Variants in P3H2 observed in about 807,000 individuals in gnomAD.
P3H2 encodes the protein leprecan-like 1.
P3H2 carries 80 observed loss-of-function variants against 87.0 expected under a neutral mutation model. The observed-to-expected ratio is 0.92, with a 90% CI of 0.77 to 1.11. The LOEUF (loss-of-function observed/expected upper bound fraction) is 1.11, where lower values mean the gene tolerates loss of function less well. P3H2 is among the 50% of genes least tolerant of loss of function. The pLI is 0.00. For synonymous variants in P3H2, 367 were observed against 359.3 expected (o/e 1.02, Z -0.24); for missense variants, 1,001 against 923.9 (o/e 1.08, Z -1.08).
At chr3:190,072,848 A>G (rs1390829443) in intron 1 of P3H2, among the ~76,000 whole-genome samples, 1 of 152,198 alleles carries the variant, frequency 6.6e-6, no homozygotes, top group Non-Finnish European at 1.5e-5. Context: ...TTAGTTCTGG[A>G]TGATGATGTT....
chr3:190,017,559 G>GAAATTCTTCTCTGGATTTCTCTTCAGCAC (rs1724806005), intron 1 of P3H2, among the ~76,000 whole-genome samples: 1 of 152,190 alleles, frequency 6.6e-6, no homozygotes, highest in Non-Finnish European at 1.5e-5. Context: ...GATTTTAGCA[G>GAAATTCTTCTCTGGATTTCTCTTCAGCAC]AAATTCTTCT....
intron 1 of P3H2, among the ~76,000 whole-genome samples, chr3:190,075,162 T>C (rs1353445086): frequency 6.6e-6 from 1 of 152,162 alleles, no homozygotes; most frequent in Non-Finnish European, 1.5e-5. Flanking sequence ...GGCTAGGATA[T>C]GAAACTAATA....
chr3:190,082,117 T>G (rs6791043), intron 1 of P3H2, among the ~76,000 whole-genome samples: 35,666 of 151,780 alleles, frequency 0.23, 4,428 homozygotes, highest in African/African-American at 0.32. Context: ...TTAGCTGGGC[T>G]TGGTGGTGAG....
At chr3:190,092,844 G>A (rs1333945384) in intron 1 of P3H2, among the ~76,000 whole-genome samples, 1 of 152,160 alleles carries the variant, frequency 6.6e-6, no homozygotes, top group African/African-American at 2.4e-5. Context: ...TGTAGTTCTT[G>A]TTTTTGCTCA....
chr3:190,072,182 C>G (rs766434669), intron 1 of P3H2, among the ~76,000 whole-genome samples: 4 of 151,978 alleles, frequency 2.6e-5, no homozygotes, highest in African/African-American at 7.2e-5. Context: ...TGTGCCACCA[C>G]GCTTGGCTAA....
chr3:190,120,164 A>G, intron 1 of P3H2, 88 bp downstream of exon 1: 1 of 1,477,456 alleles, frequency 6.8e-7, no homozygotes, highest in Non-Finnish European at 9.2e-7. Flanking sequence ...CGAAAGACTG[A>G]ACAGAGATGA....
chr3:190,019,801 T>A (rs1296840561), intron 1 of P3H2, among the ~76,000 whole-genome samples: 2 of 90,514 alleles, frequency 2.2e-5, no homozygotes, highest in African/African-American at 6.3e-5. Context: ...TATATATATA[T>A]ATATATATAT....
chr3:190,100,254 C>T (rs1361974297), intron 1 of P3H2, among the ~76,000 whole-genome samples: 13 of 135,492 alleles, frequency 9.6e-5, no homozygotes, highest in South Asian at 2.6e-4. Context: ...CCCGCCGCCC[C>T]CCCCCCCAAA....
chr3:190,121,469 G>A (rs984916715), upstream of P3H2: 1 of 152,190 alleles, frequency 6.6e-6, no homozygotes, highest in African/African-American at 2.4e-5. Flanking sequence ...GGCAAAGGAC[G>A]GACCCAACCC....
intron 7 of P3H2, 47 bp from the exon 8 acceptor site, chr3:189,983,187 A>T (rs767993363): frequency 1.4e-6 from 2 of 1,389,860 alleles, no homozygotes; most frequent in Non-Finnish European, 1.0e-6. Context: ...TTGAATAACG[A>T]TGTTCAAAGG....
chr3:190,065,867 G>A (rs1056512757), intron 1 of P3H2, among the ~76,000 whole-genome samples: 7 of 151,932 alleles, frequency 4.6e-5, no homozygotes, highest in Admixed American at 2.6e-4. Flanking sequence ...CCTTAGTACC[G>A]CCTTTGCTGT....
chr3:190,064,747 C>T (rs968549637), intron 1 of P3H2, among the ~76,000 whole-genome samples: 3 of 151,938 alleles, frequency 2.0e-5, no homozygotes, highest in African/African-American at 7.3e-5. Context: ...TGAGTCATAC[C>T]GTATAGTTTT....
In P3H2 at chr3:189,972,867, A is replaced by G. The variant is rs769193681; in HGVS notation, c.1699+7T>C. ...TAAAAGGGAACCATTTCAGACTGCA[A>G]TCTCACCAGACAGGGCTGTTCGGCA... On this transcript the variant is annotated splice_region_variant and intron_variant, in intron 11 of 14. Transcript: ENST00000319332. 4 of 1,614,022 alleles carry G rather than the reference A, an allele frequency of 2.5e-6. No homozygotes were observed. The highest frequency in any genetic ancestry group is 2.2e-5 in the East Asian group (1 of 44,874).
chr3:189,965,626 A>T (rs562573379), intron 13 of P3H2, among the ~76,000 whole-genome samples: 102 of 152,274 alleles, frequency 6.7e-4, no homozygotes, highest in African/African-American at 2.3e-3. Context: ...CTGGAGAAGG[A>T]ATTTGTACAT....
intron 8 of P3H2, among the ~76,000 whole-genome samples, chr3:189,976,047 A>G (rs1405208291): frequency 1.3e-5 from 2 of 151,458 alleles, no homozygotes; most frequent in Non-Finnish European, 2.9e-5. Context: ...CTAAATTCCA[A>G]TCAACAAATG....
At chr3:190,045,517 G>C (rs991166584) in intron 1 of P3H2, among the ~76,000 whole-genome samples, 2 of 152,098 alleles carry the variant, frequency 1.3e-5, no homozygotes, top group Non-Finnish European at 2.9e-5. Context: ...ATGACAGAAA[G>C]AGAGAGAGAC....
intron 14 of P3H2, among the ~76,000 whole-genome samples, chr3:189,960,064 T>C (rs1027286745): frequency 6.6e-6 from 1 of 152,196 alleles, no homozygotes; most frequent in Non-Finnish European, 1.5e-5. Flanking sequence ...CTGGCTTTCT[T>C]TGTTTCTTGG....
At chr3:190,042,164 T>C (rs1193712235) in intron 1 of P3H2, among the ~76,000 whole-genome samples, 1 of 152,204 alleles carries the variant, frequency 6.6e-6, no homozygotes, top group Non-Finnish European at 1.5e-5. Flanking sequence ...CTGACTAGGA[T>C]CTTCTGATGT....
rs1724929042 is a variant in P3H2 at position 190,021,591 on chromosome 3, TA to T, written c.481-26150del. Among the ~76,000 whole-genome samples the T allele has an allele frequency of 1.5e-5, 2 of 134,966 alleles. 1 individual carries two copies. Among genetic ancestry groups the T allele is most frequent in the Non-Finnish European group, 3.3e-5 (2 of 60,356 alleles). 88.5% of individuals were successfully genotyped at this position (134,966 alleles called of 152,430 possible). A position where few individuals can be genotyped will look rare whatever the true frequency, so the allele number is the denominator to read the frequency against. ...ACTTTTCTCTTTCAGTTTTAAAAAA[TA>T]AAATCCATACTTCTGGCTTAAATTG... On this transcript the variant is annotated intron_variant, in intron 1 of 14. Coordinates refer to ENST00000319332, the MANE Select transcript of P3H2 (RefSeq NM_018192.4).
Sources: gnomAD v4.1 joint callset for allele counts (sites outside exome capture counted in the v4.1 genomes callset) on GRCh38, gnomAD v4.1.1 for gene constraint, MANE v1.5 for transcripts, NCBI Gene and HGNC (gene_info 2026-07-23, HGNC 2026-07-21) for gene names.